Variants in CKMT2 observed in about 807,000 individuals in gnomAD.
CKMT2 encodes the protein creatine kinase, mitochondrial 2, also known as creatine kinase S-type, mitochondrial.
Under a neutral mutation model 48.9 loss-of-function variants are expected in CKMT2, and 43 were observed. That is an observed-to-expected ratio of 0.88 (90% confidence interval 0.69 to 1.13). The LOEUF is 1.13. Among genes scored for constraint, CKMT2 ranks in the 50% most tolerant of loss-of-function variants. CKMT2 has a pLI of 0.00. For missense variants in CKMT2, 472 were observed against 555.4 expected (o/e 0.85, Z 1.51); for synonymous variants, 206 against 213.0 (o/e 0.97, Z 0.29).
At chr5:81,253,787 AT>A (rs3839313) in intron 3 of CKMT2, among the ~76,000 whole-genome samples, 35 of 151,780 alleles carry the variant, frequency 2.3e-4, no homozygotes, top group Admixed American at 1.8e-3. Context: ...TCTTTTAACA[AT>A]TTTTTTTTAA....
At chr5:81,255,278 G>T in intron 5 of CKMT2, 64 bp downstream of exon 5, 2 of 1,433,902 alleles carry the variant, frequency 1.4e-6, no homozygotes, top group East Asian at 2.4e-5. Flanking sequence ...GCACAGGAAG[G>T]CCTCTCCTGG....
intron 7 of CKMT2, among the ~76,000 whole-genome samples, chr5:81,258,457 A>G (rs896985507): frequency 6.6e-6 from 1 of 152,270 alleles, no homozygotes; most frequent in Admixed American, 6.5e-5. Flanking sequence ...ACCTGCTGAT[A>G]ATTCCTGTAT....
chr5:81,262,707 G>A (rs1393000338), intron 8 of CKMT2, among the ~76,000 whole-genome samples: 2 of 152,194 alleles, frequency 1.3e-5, no homozygotes, highest in Admixed American at 1.3e-4. Flanking sequence ...TGGAGAAATA[G>A]GAATGCTTTC....
At chr5:81,242,859 T>G (rs932544424) in intron 1 of CKMT2, among the ~76,000 whole-genome samples, 6 of 152,208 alleles carry the variant, frequency 3.9e-5, no homozygotes, top group African/African-American at 1.4e-4. Flanking sequence ...GTCAGCATTT[T>G]CCATCTGGTG....
chr5:81,242,436 C>G, intron 1 of CKMT2: 1 of 512,318 alleles, frequency 2.0e-6, no homozygotes, highest in Middle Eastern at 6.7e-4. Flanking sequence ...ACAGGGTTTC[C>G]CCTCTCTGTC....
intron 4 of CKMT2, 193 bp from the exon 5 acceptor site, chr5:81,254,800 C>T (rs1051175620): frequency 3.3e-6 from 2 of 614,248 alleles, no homozygotes; most frequent in Admixed American, 2.9e-5. Flanking sequence ...CTATATAAAA[C>T]AGCTTTCCCC....
At chr5:81,252,412 C>T (rs10036376) in intron 2 of CKMT2, 120,087 of 451,712 alleles carry the variant, frequency 0.27, 17,296 homozygotes, top group Admixed American at 0.39. Context: ...CAGGGTAAGA[C>T]AGCACCCAAT....
chr5:81,254,940 G>A, intron 4 of CKMT2, 53 bp from the exon 5 acceptor site: 4 of 1,471,382 alleles, frequency 2.7e-6, no homozygotes, highest in Non-Finnish European at 3.8e-6. Flanking sequence ...CTGTGGCTGT[G>A]GCAGGACCAT....
intron 8 of CKMT2, among the ~76,000 whole-genome samples, chr5:81,260,582 A>G (rs1473009810): frequency 1.3e-5 from 2 of 152,244 alleles, no homozygotes; most frequent in Non-Finnish European, 2.9e-5. Context: ...GAATACTATA[A>G]ACACCTCTGT....
intron 1 of CKMT2, among the ~76,000 whole-genome samples, chr5:81,236,817 T>C (rs377395984): frequency 6.6e-6 from 1 of 152,192 alleles, no homozygotes; most frequent in South Asian, 2.1e-4. Flanking sequence ...AAGTATGTGA[T>C]AGACACCTTT....
At chr5:81,257,040 G>C in intron 6 of CKMT2, 40 bp downstream of exon 6, 1 of 1,551,740 alleles carries the variant, frequency 6.4e-7, no homozygotes, top group Non-Finnish European at 8.9e-7. Flanking sequence ...TATCTGTAGA[G>C]GATGTTTTTG....
At chr5:81,245,183 C>A (rs1756565966) in intron 1 of CKMT2, 1 of 152,128 alleles carries the variant, frequency 6.6e-6, no homozygotes, top group African/African-American at 2.4e-5. Context: ...CAGGCTTTGA[C>A]AGCTGGGGCA....
chr5:81,260,922 A>G (rs1028786519), intron 8 of CKMT2, among the ~76,000 whole-genome samples: 2 of 152,162 alleles, frequency 1.3e-5, no homozygotes, highest in African/African-American at 4.8e-5. Flanking sequence ...AAAAAGAAAA[A>G]TTTCACGGCA....
chr5:81,249,162 C>T (rs766287940), intron 1 of CKMT2, among the ~76,000 whole-genome samples: 9 of 151,558 alleles, frequency 5.9e-5, no homozygotes, highest in Non-Finnish European at 1.0e-4. Context: ...GATTCTCATG[C>T]CTTAGCCTCC....
chr5:81,252,286 A>G (rs999607452), intron 2 of CKMT2: 1 of 210,096 alleles, frequency 4.8e-6, no homozygotes, highest in Non-Finnish European at 9.7e-6. Flanking sequence ...GAAAATCAGG[A>G]TCTCTGAGGG....
intron 5 of CKMT2, 128 bp downstream of exon 5, chr5:81,255,342 C>G: frequency 1.3e-6 from 1 of 777,906 alleles, no homozygotes; most frequent in South Asian, 1.6e-5. Context: ...CACCCCTGAG[C>G]TCAGCCCAAG....
intron 8 of CKMT2, among the ~76,000 whole-genome samples, chr5:81,260,075 C>T (rs1757159677): frequency 1.3e-5 from 2 of 152,192 alleles, no homozygotes; most frequent in African/African-American, 2.4e-5. Context: ...TCACTCAAAA[C>T]CGCACGAATA....
At chr5:81,260,735 C>T (rs1333599001) in intron 8 of CKMT2, among the ~76,000 whole-genome samples, 1 of 152,056 alleles carries the variant, frequency 6.6e-6, no homozygotes, top group East Asian at 1.9e-4. Context: ...AGCCTACCAA[C>T]CAAAAAAAGT....
At position 81,242,303 on chromosome 5, in the gene CKMT2, CT is replaced by C. The variant is rs537651612; in HGVS notation, c.-20-8801del. The C allele has an allele frequency of 3.4e-3, 1,100 of 321,712 alleles. 5 individuals carry two copies. The highest frequency in any genetic ancestry group is 0.018 in the South Asian group (547 of 30,352). The allele number at this position is 321,712 out of a possible 1,614,324, so 19.9% of individuals were successfully genotyped here. ...TAGATTTCATTCAAAAGTTTGTGGG[CT>C]TTTTTTTTGTGAGACAAAGGTTTGT... is the stretch of plus-strand genomic sequence containing the variant. On this transcript the variant is annotated intron_variant, in intron 1 of 9. Transcript: ENST00000254035.
Sources: allele counts gnomAD v4.1 joint callset (sites outside exome capture counted in the v4.1 genomes callset), GRCh38; gene constraint gnomAD v4.1.1; transcripts MANE v1.5; gene names NCBI Gene and HGNC (gene_info 2026-07-23, HGNC 2026-07-21).